The following AGT variants were observed in gnomAD, a reference collection of about 807,000 sequenced individuals.
AGT encodes the protein alpha-1 antiproteinase, antitrypsin.
In AGT, 26 loss-of-function variants were observed where a neutral mutation model predicts 28.1. That is an observed-to-expected ratio of 0.92 (90% CI 0.68 to 1.28). The LOEUF is 1.28. AGT is among the 50% of genes most tolerant of loss of function. The pLI is 0.00. For missense variants in AGT, 596 were observed against 592.3 expected (o/e 1.01, Z -0.06); for synonymous variants, 259 against 259.6 (o/e 1.00, Z 0.02).
rs138295174 is a variant in AGT, at chr1:230,744,047, C to G, written c.-31+1468G>C. Among the ~76,000 whole-genome samples the G allele has an allele frequency of 2.0e-5, 3 of 152,294 alleles. No individual in the cohort carries two copies. In the East Asian group the frequency reaches 5.8e-4, roughly 29 times the overall value. ...CATGATGCATGGCCCCCGCTTGGCT[C>G]AAAGCTGATTGCATCTCTAGGCTAG... is the stretch of plus-strand genomic sequence containing the variant. On this transcript the variant is annotated intron_variant, in intron 1 of 4. Coordinates refer to the AGT transcript ENST00000681269.
intron 1 of AGT, among the ~76,000 whole-genome samples, chr1:230,734,861 C>T (rs1224625253): frequency 2.0e-5 from 3 of 152,074 alleles, no homozygotes; most frequent in Non-Finnish European, 2.9e-5. Flanking sequence ...AGGCGCCTGC[C>T]ACCACGCCTG....
intron 4 of AGT, among the ~76,000 whole-genome samples, chr1:230,703,789 A>T (rs1243360731): frequency 6.6e-6 from 1 of 152,244 alleles, no homozygotes; most frequent in African/African-American, 2.4e-5. Context: ...GCAGATGTGC[A>T]TGGTGCCACA....
At chr1:230,725,367 A>C (rs1663921718) in intron 1 of AGT, among the ~76,000 whole-genome samples, 1 of 152,166 alleles carries the variant, frequency 6.6e-6, no homozygotes, top group South Asian at 2.1e-4. Flanking sequence ...GGGAAGGACC[A>C]TGAAAGTAGA....
At chr1:230,736,112 A>G (rs1358586443) in intron 1 of AGT, among the ~76,000 whole-genome samples, 3 of 152,094 alleles carry the variant, frequency 2.0e-5, no homozygotes, top group Admixed American at 1.3e-4. Context: ...TCAGCTCCTA[A>G]AATTATTTTC....
chr1:230,715,269 C>T (rs532187456), upstream of AGT, among the ~76,000 whole-genome samples: 1 of 152,278 alleles, frequency 6.6e-6, no homozygotes, highest in East Asian at 1.9e-4. Context: ...TCACATGGGC[C>T]TGTAAATTCT....
rs138660113 is a variant in AGT at position 230,710,421 on chromosome 1, C to T, written c.403G>A (p.Ala135Thr). 1.9e-6 allele frequency: 3 copies of T among 1,614,196 alleles called. No homozygotes were observed. The South Asian group carries it at 3.3e-5, about 18-fold the overall frequency. The change falls in exon 2 of 5, where the codon GCC becomes ACC. Residue 135 changes from alanine (A) to threonine (T), a missense_variant. By Grantham distance (58) the Ala-to-Thr change is moderately conservative. Coordinates refer to ENST00000366667, the MANE Select transcript of AGT (RefSeq NM_001384479.1). ...LSPTAVFGTL[A>T]SLYLGALDHT... ...TCCAAGGCTCCCAGATAGAGAGAGG[C>T]CAGGGTGCCAAAGACAGCCGTTGGG...
intron 1 of AGT, among the ~76,000 whole-genome samples, chr1:230,724,997 G>A (rs1268299974): frequency 6.6e-6 from 1 of 152,102 alleles, no homozygotes; most frequent in African/African-American, 2.4e-5. Context: ...ATCTGATGGG[G>A]ACAAAAATCA....
chr1:230,739,894 A>C (rs1664215940), intron 1 of AGT, among the ~76,000 whole-genome samples: 1 of 152,208 alleles, frequency 6.6e-6, no homozygotes, highest in South Asian at 2.1e-4. Flanking sequence ...CTTGGACCTC[A>C]CGCAAGAAAG....
Position 230,710,158 on chromosome 1 carries a change from G to A in AGT, c.666C>T (p.Thr222=), listed in dbSNP as rs778634473. The A allele has an allele frequency of 3.7e-6, 6 of 1,613,956 alleles. No individual in the cohort carries two copies. The highest frequency in any genetic ancestry group is 5.1e-6 in the Non-Finnish European group (6 of 1,180,040). The part of the protein sequence containing the change: ...QPFVQGLALY[T]PVVLPRSLDF... ...CCAGAGAGCGTGGGAGGACCACAGG[G>A]GTATAGAGAGCCAGGCCCTGCACAA... is the stretch of plus-strand genomic sequence containing the variant. The change falls in exon 2 of 5, where the codon ACC becomes ACT. Residue 222 remains threonine (T), a synonymous_variant. Coordinates refer to ENST00000366667, the MANE Select transcript of AGT (RefSeq NM_001384479.1).
rs1371141530 is a variant in AGT, at chr1:230,710,087, A to G, written c.737T>C (p.Met246Thr). The G allele has an allele frequency of 3.7e-6, 6 of 1,614,208 alleles. No individual in the cohort carries two copies. Among genetic ancestry groups the G allele is most frequent in the Non-Finnish European group, 5.1e-6 (6 of 1,180,042 alleles). ...AGTCTTCCATCCTGTCACAGCCTGC[A>G]TGAACCTGTCAATCTTCTCAGCAGC... Reference protein sequence around the residue: ...DVAAEKIDRFMQAVTGWKTGC... With the variant: ...DVAAEKIDRFTQAVTGWKTGC... Residue 246 changes from methionine to threonine, a missense_variant, in exon 2 of 5, where the codon ATG becomes ACG. Coordinates refer to ENST00000366667, the MANE Select transcript of AGT (RefSeq NM_001384479.1).
intron 4 of AGT, among the ~76,000 whole-genome samples, chr1:230,703,650 GGCCCACCAGT>G (rs1663294892): frequency 1.3e-5 from 2 of 152,194 alleles, no homozygotes; most frequent in Admixed American, 6.5e-5. Flanking sequence ...CCTTGGCCAT[GGCCCACCAGT>G]GCCAGGGCTT....
chr1:230,719,460 T>C (rs572455145), upstream of AGT, among the ~76,000 whole-genome samples: 16 of 144,504 alleles, frequency 1.1e-4, no homozygotes, highest in Non-Finnish European at 1.6e-4. Flanking sequence ...CAGGCTGGAG[T>C]GCAGTGGCGG....
At chr1:230,727,651 T>C (rs1339295591) in intron 1 of AGT, among the ~76,000 whole-genome samples, 1 of 152,230 alleles carries the variant, frequency 6.6e-6, no homozygotes, top group Non-Finnish European at 1.5e-5. Flanking sequence ...CAGTCAGAGT[T>C]ATGTCCCCTA....
intron 1 of AGT, among the ~76,000 whole-genome samples, chr1:230,712,801 G>C (rs1036017185): frequency 6.6e-6 from 1 of 152,168 alleles, no homozygotes; most frequent in East Asian, 1.9e-4. Flanking sequence ...ACGCAGCCGC[G>C]TCCTGGGAGT....
chr1:230,712,010 T>TC (rs1558288772), intron 1 of AGT, among the ~76,000 whole-genome samples: 2 of 152,260 alleles, frequency 1.3e-5, no homozygotes, highest in East Asian at 3.9e-4. Flanking sequence ...CCCTGCTAAT[T>TC]CATTTCATCT....
At chr1:230,735,512 C>G (rs1161190251) in intron 1 of AGT, among the ~76,000 whole-genome samples, 3 of 151,780 alleles carry the variant, frequency 2.0e-5, no homozygotes, top group Admixed American at 2.0e-4. Context: ...CTTTTTTGTT[C>G]TCCTTTGCCC....
At chr1:230,703,582 C>G (rs1663292981) in intron 4 of AGT, among the ~76,000 whole-genome samples, 1 of 152,212 alleles carries the variant, frequency 6.6e-6, no homozygotes, top group Non-Finnish European at 1.5e-5. Flanking sequence ...CTAACACACC[C>G]CTTACATCCT....
At chr1:230,740,937 T>C (rs1442258092) in intron 1 of AGT, among the ~76,000 whole-genome samples, 1 of 152,164 alleles carries the variant, frequency 6.6e-6, no homozygotes, top group Non-Finnish European at 1.5e-5. Flanking sequence ...CAGAGGAGAC[T>C]CTGTCTCAAA....
intron 3 of AGT, among the ~76,000 whole-genome samples, chr1:230,705,708 C>G (rs532440745): frequency 6.6e-6 from 1 of 152,240 alleles, no homozygotes; most frequent in Non-Finnish European, 1.5e-5. Context: ...TCCTCCTTTA[C>G]CTTGCCTGCA....
Sources: gnomAD v4.1 joint callset for allele counts (sites outside exome capture counted in the v4.1 genomes callset) on GRCh38, gnomAD v4.1.1 for gene constraint, MANE v1.5 for transcripts, NCBI Gene and HGNC (gene_info 2026-07-23, HGNC 2026-07-21) for gene names.